Variants in ADAT1 observed in about 807,000 individuals in gnomAD.
ADAT1 encodes the protein adenosine deaminase tRNA specific 1, also known as tRNA-specific adenosine deaminase 1.
In ADAT1, 58 loss-of-function variants were observed where a neutral mutation model predicts 58.6. That is an observed-to-expected ratio of 0.99 (90% confidence interval 0.80 to 1.23). The LOEUF is 1.23. Among genes scored for constraint, ADAT1 ranks in the 50% most tolerant of loss-of-function variants. The pLI is 0.00. For synonymous variants in ADAT1, 254 were observed against 220.8 expected, an observed-to-expected ratio of 1.15 and a Z score of -1.33; for missense variants, 741 against 608.6, an observed-to-expected ratio of 1.22 and a Z score of -2.29.
chr16:75,620,451 C>A, intron 2 of ADAT1, 117 bp from the exon 3 acceptor site: 1 of 1,430,604 alleles, frequency 7.0e-7, no homozygotes, highest in South Asian at 1.2e-5. Flanking sequence ...CAACCAAGGT[C>A]TGCGGTTCCA....
At chr16:75,615,698 A>T (rs561746511) in intron 5 of ADAT1, among the ~76,000 whole-genome samples, 2 of 152,054 alleles carry the variant, frequency 1.3e-5, no homozygotes, top group African/African-American at 4.8e-5. Flanking sequence ...TGTCACTGGG[A>T]TCACCCCGGT....
chr16:75,602,542 C>T (rs573245507), intron 9 of ADAT1, among the ~76,000 whole-genome samples: 62 of 152,212 alleles, frequency 4.1e-4, no homozygotes, highest in Non-Finnish European at 6.9e-4. Context: ...TTGGGGCTTT[C>T]CTTAACTTGT....
In ADAT1 at chr16:75,608,267, G is replaced by A. The variant is rs1340551366; in HGVS notation, c.1246C>T (p.Pro416Ser). The change falls in exon 8 of 10, where the codon CCA becomes TCA. Residue 416 changes from proline (P) to serine (S), a missense_variant. Transcript: ENST00000564657. ...ATTGTTTTCTTTGTTGTTCCCTGTGGAAAGCCATTGGCAGTAACATCCAAA... is the reference window on the plus strand; with the variant it reads ...ATTGTTTTCTTTGTTGTTCCCTGTGAAAAGCCATTGGCAGTAACATCCAAA... ...QPLDVTANGF[P>S]QGTTKKTIGS... 1.9e-6 allele frequency: 3 copies of A among 1,614,096 alleles called. No individual in the cohort carries two copies. Among genetic ancestry groups the A allele is most frequent in the Non-Finnish European group, 2.5e-6 (3 of 1,179,988 alleles).
intron 5 of ADAT1, among the ~76,000 whole-genome samples, chr16:75,613,339 T>C (rs1307837686): frequency 1.3e-5 from 2 of 152,216 alleles, no homozygotes; most frequent in African/African-American, 4.8e-5. Flanking sequence ...TCTGGCTCTG[T>C]TGCCCAGGCT....
At chr16:75,609,060 C>A (rs1198811042) in intron 6 of ADAT1, 72 bp from the exon 7 acceptor site, 3 of 1,555,508 alleles carry the variant, frequency 1.9e-6, no homozygotes, top group Non-Finnish European at 2.6e-6. Context: ...TTGTGGCTCA[C>A]ATCATCACCC....
chr16:75,607,299 T>A (rs1597103223), intron 8 of ADAT1, among the ~76,000 whole-genome samples: 2 of 150,032 alleles, frequency 1.3e-5, no homozygotes, highest in South Asian at 4.2e-4. Flanking sequence ...AGGTCAGGAG[T>A]TTGAGACCAG....
At position 75,612,430 on chromosome 16, in the gene ADAT1, C is replaced by A; in HGVS notation, c.856G>T (p.Val286Leu). 6.2e-7 allele frequency: 1 copy of A among 1,614,254 alleles called. No individual in the cohort carries two copies. Among genetic ancestry groups the A allele is most frequent in the Non-Finnish European group, 8.5e-7 (1 of 1,180,050 alleles). Residue 286 changes from valine to leucine, a missense_variant, in exon 6 of 10, where the codon GTG becomes TTG. Coordinates refer to ENST00000564657, the MANE Select transcript of ADAT1 (RefSeq NM_001324445.2). ...AAFHQVGLLR[V>L]KPGRGDRTRS... ...GTTCTGTCTCCACGGCCTGGCTTCA[C>A]TCGGAGCAGCCCCACCTGGTGAAAC... is the stretch of plus-strand genomic sequence containing the variant.
intron 5 of ADAT1, 106 bp downstream of exon 5, chr16:75,617,036 G>A: frequency 7.2e-7 from 1 of 1,392,082 alleles, no homozygotes; most frequent in Non-Finnish European, 9.7e-7. Flanking sequence ...ACTACCTGTG[G>A]CTACTTCAGC....
At chr16:75,621,159 G>A (rs564094888) in intron 1 of ADAT1, among the ~76,000 whole-genome samples, 31 of 152,070 alleles carry the variant, frequency 2.0e-4, no homozygotes, top group Admixed American at 5.2e-4. Flanking sequence ...CACTGGAAAC[G>A]GCATGTAAAG....
chr16:75,600,382 T>C, intron 9 of ADAT1, 34 bp from the exon 10 acceptor site: 1 of 1,609,702 alleles, frequency 6.2e-7, no homozygotes, highest in African/African-American at 1.3e-5. Context: ...ACACAGGTTC[T>C]CATTGAATAG....
At chr16:75,615,104 A>G (rs2081657964) in intron 5 of ADAT1, among the ~76,000 whole-genome samples, 1 of 151,546 alleles carries the variant, frequency 6.6e-6, no homozygotes, top group Admixed American at 6.6e-5. Context: ...GCGCATGCCT[A>G]TATTCCCACC....
intron 8 of ADAT1, among the ~76,000 whole-genome samples, chr16:75,606,916 T>G (rs185928748): frequency 6.6e-6 from 1 of 152,226 alleles, no homozygotes; most frequent in East Asian, 1.9e-4. Flanking sequence ...AAGACCTCAA[T>G]AAGTGAACAC....
intron 6 of ADAT1, among the ~76,000 whole-genome samples, chr16:75,609,773 G>A (rs923332963): frequency 1.3e-5 from 2 of 151,974 alleles, no homozygotes; most frequent in Non-Finnish European, 1.5e-5. Context: ...ACATGATCTC[G>A]GCTCACTGCA....
rs2081589319 is a variant in ADAT1 at position 75,612,818 on chromosome 16, C to G, written c.468G>C (p.Gln156His). Residue 156 changes from glutamine (Q) to histidine (H), a missense_variant, in exon 6 of 10, where the codon CAG (glutamine) becomes CAC (histidine). Gln to His is a conservative substitution (Grantham distance 24). Coordinates refer to ENST00000564657, the MANE Select transcript of ADAT1 (RefSeq NM_001324445.2). ...SIIPMLEFED[Q>H]PCCPVFRNWA... The stretch of plus-strand genomic sequence containing the variant: ...AATTTCTGAAGACAGGACAGCAAGG[C>G]TGATCTTCAAACTCAAGCATCGGAA... 4 of 1,614,008 alleles carry G rather than the reference C, an allele frequency of 2.5e-6. No homozygotes were observed. The East Asian group carries it at 8.9e-5, about 36-fold the overall frequency.
Position 75,620,453 on chromosome 16 carries a change from G to T in ADAT1, c.170-119C>A. The T allele has an allele frequency of 3.5e-6, 5 of 1,420,856 alleles. No homozygotes were observed. In the South Asian group the frequency reaches 5.9e-5, roughly 17 times the overall value. 88.0% of individuals were successfully genotyped at this position (1,420,856 alleles called of 1,614,324 possible). A position where few individuals can be genotyped will look rare whatever the true frequency, so the allele number is the denominator to read the frequency against. ...CCAGAGGCCCACTCAACCAAGGTCT[G>T]CGGTTCCAGCATGGCGGTCTCCCGC... is the stretch of plus-strand genomic sequence containing the variant. On this transcript the variant is annotated intron_variant, in intron 2 of 9. Coordinates refer to ENST00000564657, the MANE Select transcript of ADAT1 (RefSeq NM_001324445.2).
rs151285613 is a variant in ADAT1 at position 75,612,393 on chromosome 16, G to T, written c.893C>A (p.Ser298Tyr). 3.1e-6 allele frequency: 5 copies of T among 1,614,228 alleles called. No homozygotes were observed. Among genetic ancestry groups the T allele is most frequent in the Non-Finnish European group, 4.2e-6 (5 of 1,180,038 alleles). The change falls in exon 6 of 10, where the codon TCC becomes TAC. Residue 298 changes from serine to tyrosine, a missense_variant. Coordinates refer to ENST00000564657, the MANE Select transcript of ADAT1 (RefSeq NM_001324445.2). ...CCATCGGGCCATCTTGTCACTACAG[G>T]ACATGGAGCGTGTTCTGTCTCCACG... ...PGRGDRTRSMSCSDKMARWNV... is the reference protein window; with the variant it reads ...PGRGDRTRSMYCSDKMARWNV...
rs1567482539 is a variant in ADAT1, at chr16:75,617,270, T to C, written c.296A>G (p.Tyr99Cys). ...EVIARRSFQR[Y>C]LLHQLQLAAT... is the part of the protein sequence containing the mutation. ...TGCCAACTGGAGTTGGTGGAGAAGG[T>C]ACCTAAGGGTTGCAAGATGTTATTA... Residue 99 changes from tyrosine (Y) to cysteine (C), a missense_variant and splice_region_variant, in exon 5 of 10, where the codon TAC becomes TGC. Physicochemically the swap from Tyr to Cys is radical, Grantham distance 194. Transcript: ENST00000564657. The C allele has an allele frequency of 6.2e-7, 1 of 1,612,212 alleles. No homozygotes were observed. The highest frequency in any genetic ancestry group is 8.5e-7 in the Non-Finnish European group (1 of 1,178,414).
In ADAT1 at chr16:75,600,034, G is replaced by C; in HGVS notation, c.*182C>G. The C allele has an allele frequency of 2.1e-6, 3 of 1,428,716 alleles. No homozygotes were observed. The highest frequency in any genetic ancestry group is 1.6e-5 in the South Asian group (1 of 62,178). 88.5% of individuals were successfully genotyped at this position (1,428,716 alleles called of 1,614,324 possible). On this transcript the variant is annotated 3_prime_UTR_variant, in exon 10 of 10. Transcript: ENST00000564657. ...ATTAGTGAGATGCCATTTTAGCAGA[G>C]AGCTACTTCAATCAAGTATAGCTTG... is the stretch of plus-strand genomic sequence containing the variant.
At chr16:75,603,307 G>C (rs1309030890) in intron 8 of ADAT1, 136 bp from the exon 9 acceptor site, 4 of 706,080 alleles carry the variant, frequency 5.7e-6, no homozygotes, top group Admixed American at 2.7e-5. Context: ...TACTTGGTGA[G>C]GAGAAAATCC....
Sources: allele counts gnomAD v4.1 joint callset (sites outside exome capture counted in the v4.1 genomes callset), GRCh38; gene constraint gnomAD v4.1.1; transcripts MANE v1.5; gene names NCBI Gene and HGNC (gene_info 2026-07-23, HGNC 2026-07-21).